The following ABCB11 variants were observed in gnomAD, a reference collection of about 807,000 sequenced individuals.
ABCB11 encodes bile salt export pump.
ABCB11 carries 95 observed loss-of-function variants against 148.0 expected under a neutral mutation model. That is an observed-to-expected ratio of 0.64 (90% CI 0.54 to 0.76). ABCB11 has a LOEUF of 0.76. ABCB11 is among the 30% of genes least tolerant of loss of function. ABCB11 has a pLI of 0.00. For missense variants in ABCB11, 1,523 were observed against 1,617.8 expected, an observed-to-expected ratio of 0.94 and a Z score of 1.01; for synonymous variants, 591 against 555.4, an observed-to-expected ratio of 1.06 and a Z score of -0.90.
chr2:168,920,540 CCTT>C (rs1477817653), downstream of ABCB11, among the ~76,000 whole-genome samples: 6 of 110,314 alleles, frequency 5.4e-5, no homozygotes, highest in Non-Finnish European at 2.0e-5. Flanking sequence ...ATCTTCCAAT[CCTT>C]CTATTTTTTT....
At chr2:169,003,701 TTCCC>T (rs1226960631) in intron 5 of ABCB11, among the ~76,000 whole-genome samples, 1 of 152,162 alleles carries the variant, frequency 6.6e-6, no homozygotes, top group African/African-American at 2.4e-5. Flanking sequence ...CTAGTTTACA[TTCCC>T]ACCAATGGTG....
intron 5 of ABCB11, among the ~76,000 whole-genome samples, chr2:169,009,429 G>C (rs539888376): frequency 4.1e-4 from 62 of 151,902 alleles, no homozygotes; most frequent in Non-Finnish European, 7.8e-4. Context: ...TCCTTTGTAG[G>C]GACATGGATG....
chr2:168,958,448 A>G (rs750898459), intron 18 of ABCB11, among the ~76,000 whole-genome samples: 1 of 151,744 alleles, frequency 6.6e-6, no homozygotes, highest in Non-Finnish European at 1.5e-5. Flanking sequence ...CCATTAAAAA[A>G]AGAAAACCTT....
At chr2:168,956,351 C>T (rs1341421595) in intron 19 of ABCB11, among the ~76,000 whole-genome samples, 1 of 151,716 alleles carries the variant, frequency 6.6e-6, no homozygotes, top group Non-Finnish European at 1.5e-5. Context: ...GGTTGCTGGA[C>T]ACTTGTTGTG....
intron 11 of ABCB11, among the ~76,000 whole-genome samples, chr2:168,978,327 G>A (rs1179536793): frequency 6.6e-6 from 1 of 151,428 alleles, no homozygotes; most frequent in Non-Finnish European, 1.5e-5. Context: ...TAAATTTTTT[G>A]TAGAGACAGG....
intron 2 of ABCB11, among the ~76,000 whole-genome samples, chr2:169,017,271 A>G (rs1490736760): frequency 3.3e-5 from 5 of 152,206 alleles, no homozygotes; most frequent in African/African-American, 9.6e-5. Flanking sequence ...CTACACTAGT[A>G]GAAGCCATAG....
chr2:168,978,302 C>A (rs1004117595), intron 11 of ABCB11, among the ~76,000 whole-genome samples: 14 of 151,722 alleles, frequency 9.2e-5, no homozygotes, highest in African/African-American at 3.4e-4. Flanking sequence ...TGTGCCACCA[C>A]ACCCGGCTAC....
chr2:168,986,329 A>C, intron 9 of ABCB11, 45 bp from the exon 10 acceptor site: 7 of 1,535,322 alleles, frequency 4.6e-6, no homozygotes, highest in Non-Finnish European at 6.3e-6. Flanking sequence ...GAAACAGCTC[A>C]AGTTATAATG....
Position 168,996,696 on chromosome 2 carries a change from A to G in ABCB11, c.416T>C (p.Ile139Thr), listed in dbSNP as rs759727547. Residue 139 changes from isoleucine (I) to threonine (T), a missense_variant, in exon 6 of 28, where the codon ATC (isoleucine) becomes ACC (threonine). Coordinates refer to ENST00000650372, the MANE Select transcript of ABCB11 (RefSeq NM_003742.4). ...TCCAGCATAGTAACTGGCAAATTTG[A>G]TCATTTCGCTCTCGATGTTCAGCAA... ...CGLLNIESEM[I>T]KFASYYAGIA... The G allele has an allele frequency of 5.3e-5, 83 of 1,572,376 alleles. No individual in the cohort carries two copies. The highest frequency in any genetic ancestry group is 7.1e-5 in the Non-Finnish European group (82 of 1,156,612).
Position 169,018,067 on chromosome 2 carries a change from A to C in ABCB11, c.59T>G (p.Phe20Cys). The stretch of plus-strand genomic sequence containing the variant: ...CCACTCACATGATTTATCTGACTCA[A>C]AACCATCATTCTCCTCTCCAAATTT... ...IKKFGEENDG[F>C]ESDKSYNNDK... The change falls in exon 2 of 28, where the codon TTT becomes TGT. Residue 20 changes from phenylalanine to cysteine, a missense_variant. Physicochemically the swap from Phe to Cys is radical, Grantham distance 205 (BLOSUM62 -2). Coordinates refer to ENST00000650372, the MANE Select transcript of ABCB11 (RefSeq NM_003742.4). 6.2e-7 allele frequency: 1 copy of C among 1,613,542 alleles called. No individual in the cohort carries two copies. Among genetic ancestry groups the C allele is most frequent in the South Asian group, 1.1e-5 (1 of 91,072 alleles).
intron 17 of ABCB11, among the ~76,000 whole-genome samples, chr2:168,968,033 T>C (rs1693390142): frequency 6.6e-6 from 1 of 151,896 alleles, no homozygotes; most frequent in South Asian, 2.1e-4. Flanking sequence ...TGCAGCTCAG[T>C]AGATTAAAGA....
chr2:169,000,221 A>G (rs944538960), intron 5 of ABCB11, among the ~76,000 whole-genome samples: 3 of 151,968 alleles, frequency 2.0e-5, no homozygotes, highest in Non-Finnish European at 1.5e-5. Flanking sequence ...TTTTTTGGAT[A>G]TACAAGTTGC....
intron 2 of ABCB11, 104 bp from the exon 3 acceptor site, chr2:169,016,903 C>G (rs1181067317): frequency 1.3e-6 from 1 of 798,904 alleles, no homozygotes; most frequent in Non-Finnish European, 2.0e-6. Flanking sequence ...TATAAATTAC[C>G]TTTATTCATG....
At chr2:169,013,208 C>T (rs1695241499) in intron 5 of ABCB11, 64 bp downstream of exon 5, 3 of 1,268,432 alleles carry the variant, frequency 2.4e-6, no homozygotes, top group South Asian at 1.4e-5. Context: ...CCCCTCTATA[C>T]ATTTTGAATT....
rs544333630 is a variant in ABCB11 at position 168,924,571 on chromosome 2, G to A, written c.3765+86C>T. 5.6e-5 allele frequency: 77 copies of A among 1,377,786 alleles called. No homozygotes were observed. In the Middle Eastern group the frequency reaches 4.8e-3, roughly 86 times the overall value. 85.3% of individuals were successfully genotyped at this position (1,377,786 alleles called of 1,614,324 possible). ...TCTACTGTTAACGAATCAGAAAATT[G>A]AAAATAGTGCCATTTTATTAAGGAC... On this transcript the variant is annotated intron_variant, in intron 27 of 27. Coordinates refer to ENST00000650372, the MANE Select transcript of ABCB11 (RefSeq NM_003742.4).
intron 1 of ABCB11, among the ~76,000 whole-genome samples, chr2:169,030,380 G>A (rs905879825): frequency 1.3e-5 from 2 of 152,096 alleles, no homozygotes; most frequent in African/African-American, 4.8e-5. Flanking sequence ...GCAGTGAGGG[G>A]ACGAGGTTGC....
At chr2:168,996,329 C>A (rs939708157) in intron 6 of ABCB11, among the ~76,000 whole-genome samples, 1 of 151,942 alleles carries the variant, frequency 6.6e-6, no homozygotes, top group Non-Finnish European at 1.5e-5. Flanking sequence ...TACTCAACTG[C>A]CCCCTACAAA....
At chr2:169,008,213 C>T (rs909477263) in intron 5 of ABCB11, among the ~76,000 whole-genome samples, 1 of 152,176 alleles carries the variant, frequency 6.6e-6, no homozygotes, top group African/African-American at 2.4e-5. Context: ...TATCCCCTCA[C>T]ATGCCCAAAA....
rs2106013937 is a variant in ABCB11 at position 168,995,426 on chromosome 2, G to A, written c.534C>T (p.Tyr178=). Residue 178 remains tyrosine, a synonymous_variant, in exon 7 of 28, where the codon TAC becomes TAT. Transcript: ENST00000650372. ...TTTCCATTCTCATTATTCTCCTAAA[G>A]TAAAATTTTCTCATTTTCTGTATCT... The part of the protein sequence containing the change: ...ARQIQKMRKF[Y]FRRIMRMEIG... 1 of 1,612,144 alleles carries A rather than the reference G, an allele frequency of 6.2e-7. No individual in the cohort carries two copies. The highest frequency in any genetic ancestry group is 2.2e-5 in the East Asian group (1 of 44,792).
Sources: allele counts gnomAD v4.1 joint callset (sites outside exome capture counted in the v4.1 genomes callset), GRCh38; gene constraint gnomAD v4.1.1; transcripts MANE v1.5; gene names NCBI Gene and HGNC (gene_info 2026-07-23, HGNC 2026-07-21).